MYO1B: variants seen among roughly 807,000 people sequenced by gnomAD.
The protein encoded by MYO1B is myosin IB, also known as unconventional myosin-Ib.
A neutral mutation model predicts 159.7 loss-of-function variants in MYO1B; 72 were observed. The observed-to-expected ratio is 0.45, with a 90% CI of 0.37 to 0.55. The LOEUF (loss-of-function observed/expected upper bound fraction) is 0.55. Ranked by LOEUF, MYO1B falls within the 20% of genes least tolerant of loss-of-function variation. The pLI is 0.00. For missense variants in MYO1B, 1,062 were observed against 1,364.8 expected, an observed-to-expected ratio of 0.78 and a Z score of 3.50; for synonymous variants, 468 against 473.8, an observed-to-expected ratio of 0.99 and a Z score of 0.16.
At chr2:191,313,991 G>GTC (rs1397379173) in intron 3 of MYO1B, among the ~76,000 whole-genome samples, 1 of 152,208 alleles carries the variant, frequency 6.6e-6, no homozygotes, top group Admixed American at 6.5e-5. Context: ...TTATCACATG[G>GTC]TCTCTTGTCT....
intron 1 of MYO1B, among the ~76,000 whole-genome samples, chr2:191,269,396 C>A (rs1411107499): frequency 6.6e-6 from 1 of 152,144 alleles, no homozygotes; most frequent in Non-Finnish European, 1.5e-5. Context: ...ATCCATTCAT[C>A]CATTGATGGA....
chr2:191,289,831 A>G (rs1265829496), intron 2 of MYO1B, among the ~76,000 whole-genome samples: 1 of 152,216 alleles, frequency 6.6e-6, no homozygotes, highest in Non-Finnish European at 1.5e-5. Flanking sequence ...TACCCTGGGA[A>G]GAATTATGAT....
intron 15 of MYO1B, among the ~76,000 whole-genome samples, chr2:191,385,528 TTAG>T (rs1695348143): frequency 2.2e-5 from 1 of 46,424 alleles, no homozygotes; most frequent in South Asian, 2.3e-3. Flanking sequence ...ATTTCTGCTT[TTAG>T]ATTTCTTTTT....
intron 6 of MYO1B, among the ~76,000 whole-genome samples, chr2:191,348,023 C>T (rs150264347): frequency 3.3e-5 from 5 of 152,216 alleles, no homozygotes; most frequent in Middle Eastern, 3.4e-3. Flanking sequence ...TCACAGTGTC[C>T]GCTCCCCACC....
intron 13 of MYO1B, among the ~76,000 whole-genome samples, chr2:191,379,013 CTG>C (rs945902656): frequency 2.6e-5 from 4 of 152,256 alleles, no homozygotes; most frequent in African/African-American, 9.6e-5. Context: ...TTCAGTCAAA[CTG>C]TTTTTATCCT....
chr2:191,329,990 T>C lies in MYO1B; in HGVS notation c.307T>C (p.Cys103Arg), dbSNP rs1435068725. 1 of 1,612,322 alleles carries C rather than the reference T, an allele frequency of 6.2e-7. No individual in the cohort carries two copies. Among genetic ancestry groups the C allele is most frequent in the Non-Finnish European group, 8.5e-7 (1 of 1,179,022 alleles). The change falls in exon 4 of 31, where the codon TGT becomes CGT. Residue 103 changes from cysteine to arginine, a missense_variant. Transcript: ENST00000392318. ...CCTACGAGATCAAGATAAGGACCAA[T>C]GTATTCTCATTACTGGGGAAAGTGG... ...RSLRDQDKDQ[C>R]ILITGESGAG...
At chr2:191,383,519 C>T (rs1483770457) in intron 15 of MYO1B, among the ~76,000 whole-genome samples, 177 bp downstream of exon 15, 31 of 114,348 alleles carry the variant, frequency 2.7e-4, no homozygotes, top group Admixed American at 1.1e-3. Context: ...TACACGTACA[C>T]ACACACACAC....
chr2:191,344,460 C>T (rs1692426474), intron 5 of MYO1B, among the ~76,000 whole-genome samples: 1 of 152,178 alleles, frequency 6.6e-6, no homozygotes, highest in South Asian at 2.1e-4. Context: ...CAAGCAGCAT[C>T]TCTAAGGCAA....
At chr2:191,286,238 CTG>C (rs1313189796) in intron 2 of MYO1B, among the ~76,000 whole-genome samples, 1 of 151,938 alleles carries the variant, frequency 6.6e-6, no homozygotes, top group African/African-American at 2.4e-5. Context: ...ACACCTAAGT[CTG>C]TTATTCACCT....
At position 191,363,812 on chromosome 2, in the gene MYO1B, A is replaced by G. The variant is rs1287691184; in HGVS notation, c.850A>G (p.Ile284Val). 2 of 1,614,012 alleles carry G rather than the reference A, an allele frequency of 1.2e-6. No homozygotes were observed. The highest frequency in any genetic ancestry group is 1.3e-5 in the African/African-American group (1 of 75,000). ...VVAAVLKLGN[I>V]EFKPESRVNG... ...GGCAGCAGTGTTGAAACTGGGGAAC[A>G]TTGAGTTCAAGCCCGAATCTCGAGT... Residue 284 changes from isoleucine to valine, a missense_variant, in exon 10 of 31, where the codon ATT (isoleucine) becomes GTT (valine). This residue lies in a region of MYO1B where 415 missense variants were observed against 544.0 expected (regional missense o/e 0.76). Coordinates refer to ENST00000392318, the MANE Select transcript of MYO1B (RefSeq NM_001130158.3).
At chr2:191,423,692 TG>T in intron 30 of MYO1B, 144 bp from the exon 31 acceptor site, 1 of 718,534 alleles carries the variant, frequency 1.4e-6, no homozygotes, top group Non-Finnish European at 2.1e-6. Flanking sequence ...TTTCAGAGTT[TG>T]GAGGTTTCAG....
At chr2:191,376,551 T>C (rs147019207) in intron 13 of MYO1B, among the ~76,000 whole-genome samples, 2 of 152,304 alleles carry the variant, frequency 1.3e-5, no homozygotes, top group African/African-American at 2.4e-5. Flanking sequence ...TATAAATGCA[T>C]TGACTCATTT....
chr2:191,414,236 C>G (rs1195196899), intron 28 of MYO1B, 56 bp downstream of exon 28: 14 of 1,547,464 alleles, frequency 9.0e-6, no homozygotes, highest in South Asian at 2.6e-5. Context: ...GGGATAGTCA[C>G]CCTGTTTTCT....
intron 3 of MYO1B, among the ~76,000 whole-genome samples, chr2:191,310,520 A>G (rs1292338185): frequency 6.6e-6 from 1 of 152,224 alleles, no homozygotes; most frequent in East Asian, 1.9e-4. Context: ...GGAATTCTTG[A>G]AGTAGGTGGC....
At chr2:191,414,235 A>G in intron 28 of MYO1B, 55 bp downstream of exon 28, 2 of 1,552,704 alleles carry the variant, frequency 1.3e-6, no homozygotes, top group Non-Finnish European at 1.7e-6. Flanking sequence ...TGGGATAGTC[A>G]CCCTGTTTTC....
intron 21 of MYO1B, among the ~76,000 whole-genome samples, chr2:191,397,871 G>T (rs1696243965): frequency 7.2e-6 from 1 of 138,188 alleles, no homozygotes; most frequent in African/African-American, 2.8e-5. Context: ...AGGCAGAGGG[G>T]CTCCTCACTT....
chr2:191,261,641 T>C (rs551512087), intron 1 of MYO1B, among the ~76,000 whole-genome samples: 2 of 152,288 alleles, frequency 1.3e-5, no homozygotes, highest in Non-Finnish European at 2.9e-5. Context: ...TCTTATTGGC[T>C]ATATGCCTGA....
intron 30 of MYO1B, among the ~76,000 whole-genome samples, chr2:191,420,397 T>C (rs926861945): frequency 2.6e-5 from 4 of 152,212 alleles, no homozygotes; most frequent in Non-Finnish European, 5.9e-5. Context: ...CTTCCAGGCC[T>C]GCAAGCCCCA....
At chr2:191,394,438 T>G (rs906573141) in intron 20 of MYO1B, among the ~76,000 whole-genome samples, 2 of 152,268 alleles carry the variant, frequency 1.3e-5, no homozygotes, top group East Asian at 1.9e-4. Context: ...AAGAAAAGTT[T>G]ACAAGTGTGC....
Sources: allele counts gnomAD v4.1 joint callset (sites outside exome capture counted in the v4.1 genomes callset), GRCh38; gene constraint gnomAD v4.1.1; regional missense constraint gnomAD v4.1.1; transcripts MANE v1.5; gene names NCBI Gene and HGNC (gene_info 2026-07-23, HGNC 2026-07-21).